The following PADI4 variants were observed in gnomAD, a reference collection of about 807,000 sequenced individuals.
PADI4 encodes the protein peptidyl arginine deiminase 4, also known as protein-arginine deiminase type-4.
PADI4 carries 62 observed loss-of-function variants against 75.0 expected under a neutral mutation model. That is an observed-to-expected ratio of 0.83 (90% CI 0.67 to 1.02). PADI4 has a LOEUF of 1.02. Ranked by LOEUF, PADI4 falls within the 50% of genes least tolerant of loss-of-function variation. The probability of loss-of-function intolerance (pLI) is 0.00; values close to 1 mark genes in which losing one functional copy is unlikely to be tolerated. For missense variants in PADI4, 845 were observed against 850.5 expected (o/e 0.99, Z 0.08); for synonymous variants, 361 against 348.1 (o/e 1.04, Z -0.41).
rs1439801211 is a variant in PADI4, at chr1:17,358,866, T to G, written c.1587T>G (p.Ile529Met). ...KKKKQQKIKN[I>M]LSNKTLREHN... is the part of the protein sequence containing the mutation. ...AAAAACAGCAGAAAATAAAGAACAT[T>G]CTGTCAAACAAGACATTGAGAGAAC... Residue 529 changes from isoleucine to methionine, a missense_variant, in exon 14 of 16, where the codon ATT (isoleucine) becomes ATG (methionine). Transcript: ENST00000375448. The G allele has an allele frequency of 6.2e-7, 1 of 1,608,132 alleles. No individual in the cohort carries two copies. Among genetic ancestry groups the G allele is most frequent in the South Asian group, 1.1e-5 (1 of 90,176 alleles).
intron 1 of PADI4, among the ~76,000 whole-genome samples, chr1:17,319,719 A>G (rs2074001467): frequency 6.6e-6 from 1 of 152,196 alleles, no homozygotes; most frequent in Non-Finnish European, 1.5e-5. Flanking sequence ...ATATTTACGG[A>G]CAGAAAAACG....
In PADI4 at chr1:17,354,627, C is replaced by G. The variant is rs778025949; in HGVS notation, c.1250C>G (p.Thr417Arg). 6.2e-7 allele frequency: 1 copy of G among 1,614,004 alleles called. No individual in the cohort carries two copies. The highest frequency in any genetic ancestry group is 8.5e-7 in the Non-Finnish European group (1 of 1,179,902). Residue 417 changes from threonine to arginine, a missense_variant, in exon 11 of 16, where the codon ACA (threonine) becomes AGA (arginine). Transcript: ENST00000375448. ...FGNLEVSPPV[T>R]VRGKEYPLGR... ...AACCTGGAAGTGAGCCCCCCAGTCA[C>G]AGTCAGGGGCAAGGAATACCCGCTG...
Position 17,322,502 on chromosome 1 carries a change from A to AAAAAAG in PADI4, c.93-8467_93-8466insAAAAAG, listed in dbSNP as rs1262393562. On this transcript the variant is annotated intron_variant, in intron 1 of 15. Transcript: ENST00000375448. ...AGACTCCATCCCCCCCCAAAAAAAA[A>AAAAAAG]GATAAGCTATAAATGTACAATTGCT... Among the ~76,000 whole-genome samples the AAAAAAG allele has an allele frequency of 1.1e-3, 162 of 152,228 alleles. 2 individuals carry two copies. The highest frequency in any genetic ancestry group is 3.7e-3 in the African/African-American group (155 of 41,524).
intron 1 of PADI4, among the ~76,000 whole-genome samples, chr1:17,327,273 C>T (rs951044329): frequency 2.0e-5 from 3 of 151,978 alleles, no homozygotes; most frequent in African/African-American, 4.8e-5. Flanking sequence ...TAAGTTAAAC[C>T]GTATATCATT....
intron 1 of PADI4, among the ~76,000 whole-genome samples, chr1:17,320,641 A>G (rs1040000946): frequency 4.6e-5 from 7 of 152,172 alleles, no homozygotes; most frequent in African/African-American, 1.7e-4. Flanking sequence ...TAGCATGCTA[A>G]TGTATTATAA....
At chr1:17,333,909 T>C (rs766613545) in intron 2 of PADI4, 34 bp from the exon 3 acceptor site, 3 of 1,533,218 alleles carry the variant, frequency 2.0e-6, no homozygotes, top group East Asian at 2.2e-5. Flanking sequence ...GTTGAATGAC[T>C]AAGAGAAGTC....
At position 17,330,953 on chromosome 1, in the gene PADI4, T is replaced by C; in HGVS notation, c.93-16T>C. 25 of 1,517,524 alleles carry C rather than the reference T, an allele frequency of 1.6e-5. No individual in the cohort carries two copies. The highest frequency in any genetic ancestry group is 1.9e-5 in the Non-Finnish European group (22 of 1,136,044). 94.0% of individuals were successfully genotyped at this position (1,517,524 alleles called of 1,614,324 possible). On this transcript the variant is annotated splice_polypyrimidine_tract_variant and intron_variant, in intron 1 of 15. Transcript: ENST00000375448. ...CCTCACTGCATCCTCTGCTTTCCCA[T>C]GTGTCTTGTCCACAGCTCTGCCCCT...
chr1:17,355,952 C>T (rs376612747), intron 11 of PADI4, 31 bp from the exon 12 acceptor site: 52 of 1,613,704 alleles, frequency 3.2e-5, no homozygotes, highest in African/African-American at 6.7e-5. Flanking sequence ...CCCTTGCTGC[C>T]GATAACACCC....
chr1:17,309,262 G>A lies in PADI4; in HGVS notation c.92+948G>A, dbSNP rs1051997471. On this transcript the variant is annotated intron_variant, in intron 1 of 15. Transcript: ENST00000375448. The stretch of plus-strand genomic sequence containing the variant: ...AGCCTTATTGCTCCTCTTTTTCCAG[G>A]CATTGTAAAGACCCTGTTTCTCCAG... Among the ~76,000 whole-genome samples the A allele has an allele frequency of 4.0e-5, 6 of 151,366 alleles. No individual in the cohort carries two copies. In the South Asian group the frequency reaches 1.3e-3, roughly 32 times the overall value.
At chr1:17,321,194 A>C (rs925468966) in intron 1 of PADI4, among the ~76,000 whole-genome samples, 1 of 152,166 alleles carries the variant, frequency 6.6e-6, no homozygotes, top group African/African-American at 2.4e-5. Context: ...TTCTGCAAGA[A>C]GGATGTGGGA....
intron 1 of PADI4, among the ~76,000 whole-genome samples, chr1:17,330,128 C>T (rs115871911): frequency 2.7e-3 from 417 of 152,322 alleles, no homozygotes; most frequent in African/African-American, 9.7e-3. Flanking sequence ...CACACCCCTC[C>T]ATGCCTACAT....
intron 1 of PADI4, among the ~76,000 whole-genome samples, chr1:17,323,859 C>CAAAA (rs397979378): frequency 2.0e-5 from 3 of 148,770 alleles, no homozygotes; most frequent in Non-Finnish European, 4.5e-5. Flanking sequence ...ACAACAACAA[C>CAAAA]AAAAAAAACA....
chr1:17,328,637 A>C (rs2074154431), intron 1 of PADI4, among the ~76,000 whole-genome samples: 1 of 131,828 alleles, frequency 7.6e-6, no homozygotes, highest in Non-Finnish European at 1.7e-5. Flanking sequence ...ACAAAGGGAG[A>C]CCCTGTCTCT....
At chr1:17,359,465 A>C in intron 15 of PADI4, 57 bp downstream of exon 15, 1 of 1,610,098 alleles carries the variant, frequency 6.2e-7, no homozygotes, top group Non-Finnish European at 8.5e-7. Context: ...GCTCAGCCCG[A>C]GAGGCCAGTG....
Position 17,336,223 on chromosome 1 carries a change from T to C in PADI4, c.405T>C (p.Asp135=). 6.2e-7 allele frequency: 1 copy of C among 1,613,162 alleles called. No individual in the cohort carries two copies. The highest frequency in any genetic ancestry group is 8.5e-7 in the Non-Finnish European group (1 of 1,179,150). The change falls in exon 4 of 16, where the codon GAT becomes GAC. Residue 135 remains aspartate (D), a synonymous_variant. Coordinates refer to ENST00000375448, the MANE Select transcript of PADI4 (RefSeq NM_012387.3). The part of the protein sequence containing the change: ...GKVKPTRAVK[D]QRTWTWGPCG... ...TGAAGCCAACCAGAGCTGTGAAAGA[T>C]CAGGTACCACTCACCCAAACGCTCC...
At chr1:17,355,161 C>A (rs571705870) in intron 11 of PADI4, among the ~76,000 whole-genome samples, 2 of 152,158 alleles carry the variant, frequency 1.3e-5, no homozygotes, top group African/African-American at 4.8e-5. Context: ...ACCTGGAGAT[C>A]TGGGACAGAG....
intron 2 of PADI4, among the ~76,000 whole-genome samples, chr1:17,331,874 C>A (rs891137025): frequency 6.6e-6 from 1 of 152,064 alleles, no homozygotes; most frequent in African/African-American, 2.4e-5. Context: ...GCCAAGATTG[C>A]GCCACTTCAC....
At chr1:17,321,459 C>G (rs2074031483) in intron 1 of PADI4, among the ~76,000 whole-genome samples, 1 of 152,254 alleles carries the variant, frequency 6.6e-6, no homozygotes, top group Non-Finnish European at 1.5e-5. Flanking sequence ...GTAAAATGAA[C>G]AGTACCCGCC....
chr1:17,342,672 C>G (rs138559880), intron 8 of PADI4, among the ~76,000 whole-genome samples: 296 of 152,254 alleles, frequency 1.9e-3, no homozygotes, highest in African/African-American at 6.9e-3. Flanking sequence ...CCTGGGAACT[C>G]ATTTAAAATG....
Sources: allele counts gnomAD v4.1 joint callset (sites outside exome capture counted in the v4.1 genomes callset), GRCh38; gene constraint gnomAD v4.1.1; transcripts MANE v1.5; gene names NCBI Gene and HGNC (gene_info 2026-07-23, HGNC 2026-07-21).